The following CHEK2 variants were observed in gnomAD, a reference collection of about 807,000 sequenced individuals.
The protein encoded by CHEK2 is serine/threonine-protein kinase Chk2.
Under a neutral mutation model 69.1 loss-of-function variants are expected in CHEK2, and 71 were observed. The observed-to-expected ratio is 1.03, with a 90% CI of 0.85 to 1.25. The LOEUF is 1.25. Among genes scored for constraint, CHEK2 ranks in the 50% most tolerant of loss-of-function variants. The pLI, the probability that CHEK2 is intolerant of heterozygous loss-of-function variation, is 0.00. For missense variants in CHEK2, 664 were observed against 649.6 expected (o/e 1.02, Z -0.24); for synonymous variants, 189 against 226.9 (o/e 0.83, Z 1.50).
intron 10 of CHEK2, among the ~76,000 whole-genome samples, chr22:28,696,302 A>AAG: frequency 6.6e-6 from 1 of 152,290 alleles, no homozygotes. Context: ...GGTGTCATAA[A>AAG]TCCTAACAAG....
intron 8 of CHEK2, among the ~76,000 whole-genome samples, chr22:28,702,430 G>A (rs2052912346): frequency 6.6e-6 from 1 of 151,442 alleles, no homozygotes; most frequent in African/African-American, 2.4e-5. Flanking sequence ...AGTAGAGACA[G>A]GGTTTCACCG....
intron 7 of CHEK2, among the ~76,000 whole-genome samples, chr22:28,708,379 G>C (rs9625539): frequency 1.6e-5 from 2 of 126,422 alleles, no homozygotes; most frequent in African/African-American, 2.9e-5. Context: ...GTGTGTGTGT[G>C]TGTGTGTGTG....
intron 1 of CHEK2, among the ~76,000 whole-genome samples, chr22:28,737,546 T>C (rs568398027): frequency 4.6e-5 from 7 of 152,022 alleles, no homozygotes; most frequent in Non-Finnish European, 8.8e-5. Flanking sequence ...TTTGGCTCAT[T>C]GCAACCTCCA....
In CHEK2 at chr22:28,699,830, T is replaced by G. The variant is rs139986197; in HGVS notation, c.1008+8A>C. The stretch of plus-strand genomic sequence containing the variant: ...GCAGCTGTCAAAAGAATTGAGGGCT[T>G]CTTTTACCTGCACAGCCAAGAGCAT... On this transcript the variant is annotated splice_region_variant and intron_variant, in intron 9 of 14. Transcript: ENST00000404276. 1.2e-6 allele frequency: 2 copies of G among 1,602,940 alleles called. No homozygotes were observed. The highest frequency in any genetic ancestry group is 2.2e-5 in the East Asian group (1 of 44,822).
chr22:28,737,427 C>T, intron 1 of CHEK2: 1 of 350,478 alleles, frequency 2.9e-6, no homozygotes. Context: ...GACATGAACA[C>T]AAGCACTGCA....
intron 8 of CHEK2, among the ~76,000 whole-genome samples, chr22:28,703,033 C>T (rs1057468487): frequency 3.9e-5 from 6 of 152,160 alleles, no homozygotes; most frequent in East Asian, 3.8e-4. Flanking sequence ...GTTGAATACA[C>T]GGATGTAAAA....
At chr22:28,689,388 C>G in intron 13 of CHEK2, 173 bp from the exon 14 acceptor site, 1 of 674,214 alleles carries the variant, frequency 1.5e-6, no homozygotes, top group Non-Finnish European at 2.7e-6. Flanking sequence ...TCTACCTTCC[C>G]AGAGGAGTCT....
chr22:28,714,066 CTGT>C (rs1048920903), intron 5 of CHEK2, among the ~76,000 whole-genome samples: 2 of 152,050 alleles, frequency 1.3e-5, no homozygotes, highest in Admixed American at 6.6e-5. Flanking sequence ...TTACCTTTTT[CTGT>C]TGTTGTTTGT....
chr22:28,732,940 C>T (rs1299390091), intron 2 of CHEK2, among the ~76,000 whole-genome samples: 3 of 152,014 alleles, frequency 2.0e-5, no homozygotes, highest in Non-Finnish European at 4.4e-5. Context: ...TGCAGACATG[C>T]GCCACCACAC....
At chr22:28,721,459 G>GT (rs1569152607) in intron 4 of CHEK2, 2 of 313,046 alleles carry the variant, frequency 6.4e-6, no homozygotes, top group Non-Finnish European at 1.4e-5. Flanking sequence ...GCTAATTTTT[G>GT]TATTTTTAAT....
chr22:28,697,025 AG>A, intron 9 of CHEK2, 38 bp from the exon 10 acceptor site: 1 of 1,269,088 alleles, frequency 7.9e-7, no homozygotes, highest in Non-Finnish European at 1.2e-6. Flanking sequence ...AGATTCATGC[AG>A]TAGATACTTA....
intron 12 of CHEK2, 83 bp from the exon 13 acceptor site, chr22:28,694,200 T>G (rs2052477221): frequency 2.2e-6 from 2 of 921,568 alleles, no homozygotes; most frequent in Admixed American, 3.4e-5. Context: ...AGGCCACCAT[T>G]CAGAAAGAGC....
At chr22:28,699,507 G>T (rs1389616865) in intron 9 of CHEK2, among the ~76,000 whole-genome samples, 1 of 151,654 alleles carries the variant, frequency 6.6e-6, no homozygotes, top group Non-Finnish European at 1.5e-5. Flanking sequence ...TGGGACTACA[G>T]GCACGCAACA....
At chr22:28,712,496 TA>T (rs2053441003) in intron 5 of CHEK2, among the ~76,000 whole-genome samples, 1 of 152,202 alleles carries the variant, frequency 6.6e-6, no homozygotes, top group African/African-American at 2.4e-5. Flanking sequence ...GTTGATGACA[TA>T]AGTTGCACCC....
intron 5 of CHEK2, among the ~76,000 whole-genome samples, chr22:28,719,042 C>A (rs940866732): frequency 6.6e-6 from 1 of 152,006 alleles, no homozygotes; most frequent in Admixed American, 6.6e-5. Context: ...GCCCTGGCAA[C>A]ACAGCGCAAC....
At chr22:28,714,457 T>C (rs776130638) in intron 5 of CHEK2, among the ~76,000 whole-genome samples, 5 of 152,182 alleles carry the variant, frequency 3.3e-5, no homozygotes, top group African/African-American at 4.8e-5. Flanking sequence ...TGCAGTGCAG[T>C]GCCTTTGCCC....
chr22:28,732,377 C>G (rs897610418), intron 2 of CHEK2, among the ~76,000 whole-genome samples: 2 of 152,112 alleles, frequency 1.3e-5, no homozygotes, highest in Admixed American at 6.6e-5. Flanking sequence ...TCCCAAAGTG[C>G]TGGGATTACA....
At chr22:28,690,438 G>C (rs1280300399) in intron 13 of CHEK2, among the ~76,000 whole-genome samples, 1 of 151,898 alleles carries the variant, frequency 6.6e-6, no homozygotes, top group African/African-American at 2.4e-5. Context: ...AGATCAGCCT[G>C]GCTAACATGG....
chr22:28,705,077 T>C (rs1889779386), intron 7 of CHEK2, among the ~76,000 whole-genome samples: 1 of 144,934 alleles, frequency 6.9e-6, no homozygotes, highest in Non-Finnish European at 1.5e-5. Context: ...AAAATCCAAA[T>C]CTTTTTTTTT....
Sources: gnomAD v4.1 joint callset for allele counts (sites outside exome capture counted in the v4.1 genomes callset) on GRCh38, gnomAD v4.1.1 for gene constraint, MANE v1.5 for transcripts, NCBI Gene and HGNC (gene_info 2026-07-23, HGNC 2026-07-21) for gene names.